Variants in ARFGEF2 observed in about 807,000 individuals in gnomAD.
ARFGEF2 encodes brefeldin A-inhibited guanine nucleotide-exchange protein 2.
Under a neutral mutation model 219.9 loss-of-function variants are expected in ARFGEF2, and 74 were observed. The observed-to-expected ratio is 0.34, with a 90% CI of 0.28 to 0.41. The LOEUF (loss-of-function observed/expected upper bound fraction) is 0.41. Ranked by LOEUF, ARFGEF2 falls within the 10% of genes least tolerant of loss-of-function variation. The probability of loss-of-function intolerance (pLI) is 1.00; values close to 1 mark genes in which losing one functional copy is unlikely to be tolerated. For synonymous variants in ARFGEF2, 733 were observed against 799.2 expected (o/e 0.92, Z 1.40); for missense variants, 1,743 against 2,218.3 (o/e 0.79, Z 4.30).
chr20:48,955,347 C>G (rs1159405110), intron 6 of ARFGEF2, among the ~76,000 whole-genome samples: 1 of 152,158 alleles, frequency 6.6e-6, no homozygotes, highest in African/African-American at 2.4e-5. Context: ...TGATCAACTT[C>G]TGTAGCTCCT....
chr20:48,998,606 A>AT, intron 25 of ARFGEF2, 101 bp downstream of exon 25: 1 of 1,211,270 alleles, frequency 8.3e-7, no homozygotes, highest in Non-Finnish European at 1.2e-6. Flanking sequence ...TGTTTTTTAG[A>AT]TGCCTCTAAT....
chr20:48,951,539 A>C, intron 4 of ARFGEF2, 70 bp downstream of exon 4: 1 of 1,601,152 alleles, frequency 6.2e-7, no homozygotes, highest in Non-Finnish European at 8.6e-7. Flanking sequence ...CTGGATTTCT[A>C]ATTTACTATG....
rs569801440 is a variant in ARFGEF2 at position 48,953,455 on chromosome 20, C to A, written c.604-101C>A. 5 of 1,080,438 alleles carry A rather than the reference C, an allele frequency of 4.6e-6. No individual in the cohort carries two copies. In the African/African-American group the frequency reaches 6.2e-5, roughly 13 times the overall value. 66.9% of individuals were successfully genotyped at this position (1,080,438 alleles called of 1,614,324 possible). On this transcript the variant is annotated intron_variant, in intron 5 of 38. Transcript: ENST00000371917. ...CCTTCCAAAGTGCTGAAATTATAGG[C>A]GTTAACCACCGCGCCCAGCCCAGGA...
Position 48,976,050 on chromosome 20 carries a change from T to TG in ARFGEF2, c.1812dup (p.Lys605GlufsTer4), listed in dbSNP as rs2091258973. 1 of 1,612,350 alleles carries TG rather than the reference T, an allele frequency of 6.2e-7. No homozygotes were observed. Among genetic ancestry groups the TG allele is most frequent in the East Asian group, 2.2e-5 (1 of 44,890 alleles). On this transcript the variant is annotated frameshift_variant, in exon 14 of 39. Transcript: ENST00000371917. LOFTEE classifies it high-confidence loss of function. ...GGCTCACGGATCAGGAAATAGGGGA[T>TG]GGGAAAGGCCTTGACATGGCAAGAC...
chr20:48,982,412 A>C (rs1372083919), intron 14 of ARFGEF2, among the ~76,000 whole-genome samples: 1 of 152,186 alleles, frequency 6.6e-6, no homozygotes, highest in East Asian at 1.9e-4. Flanking sequence ...ATGAGGTGTC[A>C]GTCGGCCCTT....
At chr20:48,924,658 T>TAG (rs528546936) in intron 1 of ARFGEF2, among the ~76,000 whole-genome samples, 1 of 152,158 alleles carries the variant, frequency 6.6e-6, no homozygotes, top group South Asian at 2.1e-4. Context: ...GCTTGGATGA[T>TAG]AGAGAGCATT....
At chr20:48,994,315 T>G (rs1406778366) in intron 21 of ARFGEF2, 136 bp from the exon 22 acceptor site, 12 of 1,021,970 alleles carry the variant, frequency 1.2e-5, no homozygotes, top group Middle Eastern at 4.2e-4. Flanking sequence ...TATTGAGAGC[T>G]TACTAAATTT....
chr20:49,020,310 T>G (rs1193224945), intron 34 of ARFGEF2, among the ~76,000 whole-genome samples: 1 of 152,234 alleles, frequency 6.6e-6, no homozygotes, highest in Admixed American at 6.5e-5. Flanking sequence ...TGCGGTCACC[T>G]TTTTCTTTAG....
chr20:48,930,579 A>G (rs1307052513), intron 1 of ARFGEF2, among the ~76,000 whole-genome samples: 2 of 152,198 alleles, frequency 1.3e-5, no homozygotes, highest in East Asian at 3.8e-4. Flanking sequence ...GATGGTGCCT[A>G]TTTTTTAAGA....
chr20:48,929,146 A>G (rs747226557), intron 1 of ARFGEF2, among the ~76,000 whole-genome samples: 37 of 152,234 alleles, frequency 2.4e-4, no homozygotes, highest in Non-Finnish European at 5.9e-5. Context: ...TCTTTCCAGC[A>G]AGGTTATCCT....
At chr20:49,002,442 C>G (rs1057085680) in intron 25 of ARFGEF2, among the ~76,000 whole-genome samples, 6 of 152,150 alleles carry the variant, frequency 3.9e-5, no homozygotes, top group Admixed American at 3.9e-4. Flanking sequence ...CACCATTCTA[C>G]TCTGTGCCCC....
At position 49,034,786 on chromosome 20, in the gene ARFGEF2, T is replaced by C. The variant is rs1470210372; in HGVS notation, c.*1587T>C. The C allele has an allele frequency of 6.6e-6, 1 of 152,226 alleles. No individual in the cohort carries two copies. The highest frequency in any genetic ancestry group is 1.5e-5 in the Non-Finnish European group (1 of 68,044). The allele number at this position is 152,226 out of a possible 1,614,324, so 9.4% of individuals were successfully genotyped here. ...CCGATATTCTTAAGTTGTTTTCTTGTTTTAACAGCCTTGAGAAATGTTTGG... is the reference window on the plus strand; with the variant it reads ...CCGATATTCTTAAGTTGTTTTCTTGCTTTAACAGCCTTGAGAAATGTTTGG... On this transcript the variant is annotated 3_prime_UTR_variant, in exon 39 of 39. Coordinates refer to ENST00000371917, the MANE Select transcript of ARFGEF2 (RefSeq NM_006420.3).
intron 27 of ARFGEF2, 72 bp downstream of exon 27, chr20:49,010,476 T>C: frequency 6.4e-7 from 1 of 1,573,824 alleles, no homozygotes; most frequent in Non-Finnish European, 8.7e-7. Context: ...GCTGTCTATT[T>C]TACTACCTAC....
At chr20:48,936,134 C>A (rs1169535950) in intron 1 of ARFGEF2, among the ~76,000 whole-genome samples, 3 of 136,544 alleles carry the variant, frequency 2.2e-5, no homozygotes, top group Non-Finnish European at 3.2e-5. Flanking sequence ...CTGACCCCCC[C>A]ACCTCCCTCC....
At position 49,010,299 on chromosome 20, in the gene ARFGEF2, A is replaced by G; in HGVS notation, c.3652A>G (p.Ile1218Val). ...AQMVNSQAAN[I>V]RSGWKNIFAV... ...GATGGTGAACTCCCAGGCGGCCAAC[A>G]TCCGCTCAGGTTGGAAGAACATCTT... Residue 1218 changes from isoleucine (I) to valine (V), a missense_variant, in exon 27 of 39, where the codon ATC (isoleucine) becomes GTC (valine). Physicochemically the swap from Ile to Val is conservative, Grantham distance 29 (BLOSUM62 3). This residue lies in a region of ARFGEF2 where 102 missense variants were observed against 146.8 expected (regional missense o/e 0.69). Coordinates refer to ENST00000371917, the MANE Select transcript of ARFGEF2 (RefSeq NM_006420.3). 2 of 1,614,166 alleles carry G rather than the reference A, an allele frequency of 1.2e-6. No individual in the cohort carries two copies. The highest frequency in any genetic ancestry group is 1.7e-6 in the Non-Finnish European group (2 of 1,179,978).
intron 25 of ARFGEF2, among the ~76,000 whole-genome samples, chr20:48,999,925 T>TA (rs1366437546): frequency 1.3e-5 from 2 of 151,986 alleles, no homozygotes; most frequent in East Asian, 1.9e-4. Context: ...ATAGTGTTAG[T>TA]AAAAAAACAA....
intron 1 of ARFGEF2, among the ~76,000 whole-genome samples, chr20:48,924,430 T>G (rs181657648): frequency 2.8e-4 from 40 of 143,920 alleles, no homozygotes; most frequent in Non-Finnish European, 4.8e-4. Context: ...GAGAATGGCG[T>G]GAACCCAGGA....
chr20:48,941,622 G>A (rs767357521), intron 2 of ARFGEF2, among the ~76,000 whole-genome samples: 12 of 152,184 alleles, frequency 7.9e-5, no homozygotes, highest in Non-Finnish European at 1.3e-4. Context: ...TAGCTCTGGC[G>A]TGGCTGCCAC....
rs2091535645 is a variant in ARFGEF2 at position 49,017,173 on chromosome 20, A to G, written c.4316-76A>G. 3.4e-6 allele frequency: 5 copies of G among 1,476,628 alleles called. No individual in the cohort carries two copies. In the South Asian group the frequency reaches 3.5e-5, roughly 10 times the overall value. 91.5% of individuals were successfully genotyped at this position (1,476,628 alleles called of 1,614,324 possible). On this transcript the variant is annotated intron_variant, in intron 31 of 38. Transcript: ENST00000371917. ...CACCAGTTGCTGTCTCCAACTCACA[A>G]TATACAGTATTTGAGACCTGGTTGG...
Sources: gnomAD v4.1 joint callset for allele counts (sites outside exome capture counted in the v4.1 genomes callset) on GRCh38, gnomAD v4.1.1 for gene constraint, gnomAD v4.1.1 regional missense constraint, MANE v1.5 for transcripts, NCBI Gene and HGNC (gene_info 2026-07-23, HGNC 2026-07-21) for gene names.